HMCN1: variants seen among roughly 807,000 people sequenced by gnomAD.
HMCN1 encodes the protein hemicentin 1, also known as hemicentin-1.
HMCN1 carries 321 observed loss-of-function variants against 625.9 expected under a neutral mutation model. The observed-to-expected ratio is 0.51, with a 90% CI of 0.47 to 0.56. HMCN1 has a LOEUF of 0.56. Among genes scored for constraint, HMCN1 ranks in the 20% least tolerant of loss-of-function variants. The pLI, the probability that HMCN1 is intolerant of heterozygous loss-of-function variation, is 0.00. For synonymous variants in HMCN1, 2,425 were observed against 2,417.6 expected (o/e 1.00, Z -0.09); for missense variants, 6,588 against 6,887.3 (o/e 0.96, Z 1.54).
intron 36 of HMCN1, among the ~76,000 whole-genome samples, chr1:186,030,701 A>T (rs1000980728): frequency 2.0e-5 from 3 of 151,762 alleles, no homozygotes; most frequent in African/African-American, 7.3e-5. Context: ...GATGTGGTAG[A>T]GTTTATGTCT....
At position 186,061,946 on chromosome 1, in the gene HMCN1, T is replaced by A. The variant is rs1403505320; in HGVS notation, c.7408T>A (p.Phe2470Ile). 5 of 1,609,044 alleles carry A rather than the reference T, an allele frequency of 3.1e-6. No homozygotes were observed. Among genetic ancestry groups the A allele is most frequent in the Non-Finnish European group, 4.3e-6 (5 of 1,175,648 alleles). ...TGCAGCTGGTGAAGAAAGAAAAATC[T>A]TTGGGCTTTCAGTATTAGGTACTTA... ...RNAAGEERKI[F>I]GLSVLVPPHI... The change falls in exon 47 of 107, where the codon TTT becomes ATT. Residue 2470 changes from phenylalanine to isoleucine, a missense_variant. This residue lies in a region of HMCN1 where 4,628 missense variants were observed against 4,853.1 expected (regional missense o/e 0.95). Coordinates refer to ENST00000271588, the MANE Select transcript of HMCN1 (RefSeq NM_031935.3).
chr1:186,063,442 CGG>C (rs1657886629), intron 48 of HMCN1, among the ~76,000 whole-genome samples: 3 of 96,292 alleles, frequency 3.1e-5, no homozygotes, highest in Middle Eastern at 6.5e-3. Flanking sequence ...GAGGGAGGGA[CGG>C]AGAGAGAAGG....
chr1:186,073,929 G>A (rs1658628863), intron 52 of HMCN1, among the ~76,000 whole-genome samples: 1 of 152,058 alleles, frequency 6.6e-6, no homozygotes, highest in Non-Finnish European at 1.5e-5. Context: ...CCTATTTAGT[G>A]GGTGAGAAAG....
intron 1 of HMCN1, among the ~76,000 whole-genome samples, chr1:185,838,923 C>T (rs1379743183): frequency 6.6e-6 from 1 of 152,222 alleles, no homozygotes; most frequent in African/African-American, 2.4e-5. Context: ...ATTATATACA[C>T]ACAGACATCT....
intron 4 of HMCN1, among the ~76,000 whole-genome samples, chr1:185,880,648 T>C (rs1664246458): frequency 6.6e-6 from 1 of 152,204 alleles, no homozygotes; most frequent in Admixed American, 6.5e-5. Flanking sequence ...TGCTTCTGTC[T>C]TTAATTTTTA....
rs148161807 is a variant in HMCN1 at position 185,746,404 on chromosome 1, C to A, written c.268+11357C>A. Among the ~76,000 whole-genome samples the A allele has an allele frequency of 3.0e-3, 458 of 152,248 alleles. 4 individuals carry two copies. Among genetic ancestry groups the A allele is most frequent in the African/African-American group, 0.011 (437 of 41,530 alleles). On this transcript the variant is annotated intron_variant, in intron 1 of 106. Coordinates refer to ENST00000271588, the MANE Select transcript of HMCN1 (RefSeq NM_031935.3). The stretch of plus-strand genomic sequence containing the variant: ...AATAGAAATTTATCATCTCACAGTT[C>A]TAGAGGCTGGAAGTGCAAAATCAAG...
intron 35 of HMCN1, among the ~76,000 whole-genome samples, chr1:186,020,153 G>T (rs533606509): frequency 2.8e-4 from 43 of 151,838 alleles, no homozygotes; most frequent in Non-Finnish European, 5.7e-4. Flanking sequence ...AAATTGAAAA[G>T]TTCACTTTTT....
chr1:185,939,223 C>A (rs758523987), intron 11 of HMCN1, among the ~76,000 whole-genome samples: 1 of 152,136 alleles, frequency 6.6e-6, no homozygotes, highest in Non-Finnish European at 1.5e-5. Flanking sequence ...GAAACTATGG[C>A]TGTTTGAATC....
chr1:186,087,545 C>T lies in HMCN1; in HGVS notation c.9263C>T (p.Pro3088Leu), dbSNP rs754769981. The T allele has an allele frequency of 1.2e-6, 2 of 1,613,252 alleles. No individual in the cohort carries two copies. The highest frequency in any genetic ancestry group is 3.3e-5 in the Admixed American group (2 of 59,912). The change falls in exon 60 of 107, where the codon CCT becomes CTT. Residue 3088 changes from proline (P) to leucine (L), a missense_variant. Pro to Leu is a moderately conservative substitution (Grantham distance 98). Around this residue, in one of 3 missense-constraint regions of HMCN1, gnomAD observed 4,628 missense variants for 4,853.1 expected, o/e 0.95. Transcript: ENST00000271588. ...SLECESNAVP[P>L]PVITWYKNGR... is the part of the protein sequence containing the mutation. ...GAGTGTGAGTCGAACGCTGTGCCAC[C>T]TCCAGTCATCACTTGGTATAAGAAT...
intron 6 of HMCN1, 70 bp downstream of exon 6, chr1:185,911,850 A>G (rs964094584): frequency 1.7e-6 from 2 of 1,178,036 alleles, no homozygotes; most frequent in Non-Finnish European, 1.3e-6. Context: ...AGTATACACA[A>G]TGGTTTTTTT....
chr1:185,803,188 C>CAAAAAAAAAAAAAAAAACAA (rs1245942461), intron 1 of HMCN1, among the ~76,000 whole-genome samples: 1 of 33,850 alleles, frequency 3.0e-5, no homozygotes, highest in East Asian at 9.2e-4. Context: ...TTAGCAGAAC[C>CAAAAAAAAAAAAAAAAACAA]AAAAAAAAAA....
intron 2 of HMCN1, among the ~76,000 whole-genome samples, chr1:185,862,408 A>G (rs935827888): frequency 3.3e-5 from 5 of 152,150 alleles, no homozygotes; most frequent in African/African-American, 1.2e-4. Context: ...ATGAATGACC[A>G]CTGATTAGAT....
At chr1:186,102,363 C>T (rs1005838988) in intron 68 of HMCN1, among the ~76,000 whole-genome samples, 1 of 152,094 alleles carries the variant, frequency 6.6e-6, no homozygotes, top group Non-Finnish European at 1.5e-5. Flanking sequence ...CAGAGACTAA[C>T]AGATGGTAGA....
At chr1:185,755,010 T>C (rs2102104471) in intron 1 of HMCN1, among the ~76,000 whole-genome samples, 1 of 152,332 alleles carries the variant, frequency 6.6e-6, no homozygotes, top group South Asian at 2.1e-4. Flanking sequence ...ATAATTATAG[T>C]ACCTTCTCAT....
chr1:185,913,836 A>G (rs1201688247), intron 6 of HMCN1, among the ~76,000 whole-genome samples: 2 of 152,090 alleles, frequency 1.3e-5, no homozygotes, highest in Non-Finnish European at 2.9e-5. Flanking sequence ...CTACTTACTT[A>G]ATGGACATTA....
Position 186,139,429 on chromosome 1 carries a change from G to A in HMCN1, c.13924+1457G>A, listed in dbSNP as rs994418485. ...TTAAAAGAGCAGGAAATACTTGATT[G>A]AGCAATTTTGTGTAATTTGTCATCT... is the stretch of plus-strand genomic sequence containing the variant. On this transcript the variant is annotated intron_variant, in intron 89 of 106. Transcript: ENST00000271588. Among the ~76,000 whole-genome samples, 12 of 152,220 alleles carry A rather than the reference G, an allele frequency of 7.9e-5. No homozygotes were observed. The East Asian group carries it at 1.9e-3, about 25-fold the overall frequency.
intron 1 of HMCN1, among the ~76,000 whole-genome samples, chr1:185,797,938 C>T (rs61829880): frequency 9.6e-6 from 1 of 103,878 alleles, no homozygotes; most frequent in Non-Finnish European, 1.6e-5. Flanking sequence ...TGCACTCCAG[C>T]CTGGGCGACA....
chr1:185,933,785 G>A lies in HMCN1; in HGVS notation c.1789G>A (p.Gly597Ser). The change falls in exon 11 of 107, where the codon GGT (glycine) becomes AGT (serine). Residue 597 changes from glycine to serine, a missense_variant. Physicochemically the swap from Gly to Ser is moderately conservative, Grantham distance 56. Coordinates refer to ENST00000271588, the MANE Select transcript of HMCN1 (RefSeq NM_031935.3). Reference sequence around the variant, plus strand: ...GTATCATTGTATGGTTTCTAGTGAAGGTGGATCATCAGCCGCTTCAGTTTT... The same window carrying A: ...GTATCATTGTATGGTTTCTAGTGAAAGTGGATCATCAGCCGCTTCAGTTTT... ...GEYHCMVSSEGGSSAASVFLT... is the reference protein window; with the variant it reads ...GEYHCMVSSESGSSAASVFLT... The A allele has an allele frequency of 6.2e-7, 1 of 1,613,982 alleles. No homozygotes were observed. The highest frequency in any genetic ancestry group is 8.5e-7 in the Non-Finnish European group (1 of 1,179,872).
At chr1:186,084,302 A>G (rs1659343861) in intron 57 of HMCN1, among the ~76,000 whole-genome samples, 2 of 152,128 alleles carry the variant, frequency 1.3e-5, no homozygotes, top group Non-Finnish European at 1.5e-5. Context: ...TATTTTCTTC[A>G]TAATCATTGC....
Sources: gnomAD v4.1 joint callset for allele counts (sites outside exome capture counted in the v4.1 genomes callset) on GRCh38, gnomAD v4.1.1 for gene constraint, gnomAD v4.1.1 regional missense constraint, MANE v1.5 for transcripts, NCBI Gene and HGNC (gene_info 2026-07-23, HGNC 2026-07-21) for gene names.